PTPRA: variants seen among roughly 807,000 people sequenced by gnomAD.
The protein encoded by PTPRA is protein tyrosine phosphatase receptor type A.
A neutral mutation model predicts 104.8 loss-of-function variants in PTPRA; 25 were observed. That is an observed-to-expected ratio of 0.24 (90% CI 0.17 to 0.33). The LOEUF (loss-of-function observed/expected upper bound fraction) is 0.33. Ranked by LOEUF, PTPRA falls within the 10% of genes least tolerant of loss-of-function variation. The probability of loss-of-function intolerance (pLI) is 1.00; values close to 1 mark genes in which losing one functional copy is unlikely to be tolerated. For missense variants in PTPRA, 765 were observed against 1,015.3 expected (o/e 0.75, Z 3.35); for synonymous variants, 323 against 368.9 (o/e 0.88, Z 1.43).
intron 1 of PTPRA, among the ~76,000 whole-genome samples, chr20:2,921,307 G>T (rs2060087177): frequency 1.4e-5 from 2 of 142,832 alleles, no homozygotes; most frequent in Non-Finnish European, 3.0e-5. Flanking sequence ...TATTTCCTTA[G>T]TACCTGGGAA....
At chr20:3,009,111 C>T (rs1018239049) in intron 11 of PTPRA, among the ~76,000 whole-genome samples, 5 of 152,072 alleles carry the variant, frequency 3.3e-5, no homozygotes, top group African/African-American at 9.7e-5. Context: ...GCAACTCACC[C>T]GTGTGCTCAT....
chr20:2,864,573 G>T, the PTPRA span: 11 of 1,614,020 alleles, frequency 6.8e-6, no homozygotes, highest in African/African-American at 1.2e-4. This position sits in a 1 kb window ranked among gnomAD's most constrained non-coding sequence, Gnocchi z 5.2. Flanking sequence ...AGCTAGAGAC[G>T]CTGAAGGACC....
chr20:2,889,920 G>A (rs148328269), intron 1 of PTPRA, among the ~76,000 whole-genome samples: 81 of 152,144 alleles, frequency 5.3e-4, no homozygotes, highest in African/African-American at 1.9e-3. Context: ...ATCTTGGTAG[G>A]TTGCCCATGC....
At chr20:2,912,817 G>T (rs1458777144) in intron 1 of PTPRA, among the ~76,000 whole-genome samples, 1 of 152,146 alleles carries the variant, frequency 6.6e-6, no homozygotes, top group Non-Finnish European at 1.5e-5. Flanking sequence ...CTATGAAAAT[G>T]AGATACACTT....
At chr20:2,880,131 A>G (rs544469742) in intron 1 of PTPRA, among the ~76,000 whole-genome samples, 10 of 152,300 alleles carry the variant, frequency 6.6e-5, no homozygotes, top group African/African-American at 2.4e-4. Flanking sequence ...TCTTTGAAGG[A>G]TTTTTAAGCA....
intron 2 of PTPRA, among the ~76,000 whole-genome samples, chr20:2,926,761 T>C (rs1050659795): frequency 2.1e-5 from 3 of 142,746 alleles, no homozygotes; most frequent in Non-Finnish European, 4.5e-5. Context: ...CTTTCCTTTT[T>C]CCTTTTCCTT....
At chr20:3,026,291 A>G (rs1451338090) in intron 17 of PTPRA, among the ~76,000 whole-genome samples, 1 of 152,210 alleles carries the variant, frequency 6.6e-6, no homozygotes, top group East Asian at 1.9e-4. Flanking sequence ...TATGGGCTAC[A>G]CTTTGAGTAG....
chr20:3,022,702 C>T lies in PTPRA; in HGVS notation c.1342C>T (p.Arg448Cys), dbSNP rs2064939075. The T allele has an allele frequency of 1.2e-6, 2 of 1,614,046 alleles. No homozygotes were observed. Among genetic ancestry groups the T allele is most frequent in the East Asian group, 2.2e-5 (1 of 44,886 alleles). ...CTCTGGCTACAGTGCAGGTGTAGGGCGTACAGGTACCTTTGTCGTCATTGA... is the reference window on the plus strand; with the variant it reads ...CTCTGGCTACAGTGCAGGTGTAGGGTGTACAGGTACCTTTGTCGTCATTGA... ...IVVHCSAGVG[R>C]TGTFVVIDAM... The change falls in exon 16 of 24, where the codon CGT becomes TGT. Residue 448 changes from arginine (R) to cysteine (C), a missense_variant. By Grantham distance (180) the Arg-to-Cys change is radical. This residue lies in a region of PTPRA where 245 missense variants were observed against 398.7 expected (regional missense o/e 0.61). Transcript: ENST00000399903. This position sits in a 1 kb window ranked among gnomAD's most constrained non-coding sequence, Gnocchi z 4.6.
chr20:2,868,310 C>CTT, the PTPRA span, among the ~76,000 whole-genome samples: 9,404 of 104,098 alleles, frequency 0.09, 910 homozygotes, highest in African/African-American at 0.15. Flanking sequence ...GACTCCACCT[C>CTT]TTTTTTTTTT....
intron 6 of PTPRA, among the ~76,000 whole-genome samples, chr20:2,978,428 G>A (rs995108458): frequency 6.6e-6 from 1 of 152,192 alleles, no homozygotes; most frequent in Admixed American, 6.5e-5. Flanking sequence ...GTACCAAAAA[G>A]TGTGGCAATA....
intron 1 of PTPRA, among the ~76,000 whole-genome samples, chr20:2,898,333 G>A (rs1347264909): frequency 6.6e-6 from 1 of 151,626 alleles, no homozygotes; most frequent in Non-Finnish European, 1.5e-5. Context: ...GCCCACCTCG[G>A]CCTCCCAAAG....
At chr20:2,894,944 G>A (rs1015688547) in intron 1 of PTPRA, among the ~76,000 whole-genome samples, 1 of 147,158 alleles carries the variant, frequency 6.8e-6, no homozygotes, top group African/African-American at 2.5e-5. Context: ...CAGAGATCAC[G>A]TCACTGCACT....
chr20:3,032,498 T>C (rs761214073), intron 20 of PTPRA, among the ~76,000 whole-genome samples: 10 of 152,264 alleles, frequency 6.6e-5, no homozygotes, highest in Non-Finnish European at 1.0e-4. Context: ...CCGGGCGCGG[T>C]GGCTCACGCC....
the PTPRA span, chr20:2,866,508 G>A: frequency 1.4e-5 from 23 of 1,614,082 alleles, no homozygotes; most frequent in Admixed American, 1.0e-4. Flanking sequence ...CCCACTGCAC[G>A]GGAGCCACAG....
At chr20:3,001,314 G>C (rs1161810897) in intron 9 of PTPRA, among the ~76,000 whole-genome samples, 5 of 152,168 alleles carry the variant, frequency 3.3e-5, no homozygotes, top group Non-Finnish European at 5.9e-5. Flanking sequence ...AATGGCTCCT[G>C]TTTCTTCCTG....
upstream of PTPRA, among the ~76,000 whole-genome samples, chr20:2,870,056 T>C (rs1259061480): frequency 2.5e-5 from 3 of 121,232 alleles, no homozygotes; most frequent in Non-Finnish European, 4.9e-5. Flanking sequence ...GTCTCTTAGA[T>C]ACAAAGTTCC....
intron 2 of PTPRA, among the ~76,000 whole-genome samples, chr20:2,934,784 G>C (rs1283262098): frequency 2.0e-5 from 3 of 147,116 alleles, no homozygotes; most frequent in Non-Finnish European, 4.4e-5. Context: ...CAATTCTCCT[G>C]TCTCAGCCTC....
In PTPRA at chr20:3,007,434, G is replaced by A. The variant is rs1203107415; in HGVS notation, c.906+14G>A. ...TCATTCATCAACGTAAGGATCGGGT[G>A]CTTTCCCTGTCACTTCCCTGCCTGA... On this transcript the variant is annotated intron_variant, in intron 11 of 23. Coordinates refer to ENST00000399903, the MANE Select transcript of PTPRA (RefSeq NM_001385305.1). 6.2e-7 allele frequency: 1 copy of A among 1,610,164 alleles called. No individual in the cohort carries two copies. Among genetic ancestry groups the A allele is most frequent in the African/African-American group, 1.3e-5 (1 of 74,966 alleles).
upstream of PTPRA, among the ~76,000 whole-genome samples, chr20:2,872,984 C>A (rs1420529652): frequency 6.6e-6 from 1 of 152,144 alleles, no homozygotes; most frequent in East Asian, 1.9e-4. The surrounding 1 kb of genome is among the most constrained non-coding windows in gnomAD (Gnocchi z 7.9). Context: ...ACCCACGGAG[C>A]CAGATCCGTT....
Sources: allele counts gnomAD v4.1 joint callset (sites outside exome capture counted in the v4.1 genomes callset), GRCh38; gene constraint gnomAD v4.1.1; regional missense constraint gnomAD v4.1.1; non-coding constraint Gnocchi (gnomAD v3.1); transcripts MANE v1.5; gene names NCBI Gene and HGNC (gene_info 2026-07-23, HGNC 2026-07-21).